The following SAMD12 variants were observed in gnomAD, a reference collection of about 807,000 sequenced individuals.
The protein encoded by SAMD12 is sterile alpha motif domain-containing protein 12.
In SAMD12, 9 loss-of-function variants were observed where a neutral mutation model predicts 15.0. That is an observed-to-expected ratio of 0.60 (90% CI 0.36 to 1.05). The LOEUF (loss-of-function observed/expected upper bound fraction) is 1.05. SAMD12 is among the 50% of genes least tolerant of loss of function. The probability of loss-of-function intolerance (pLI) is 0.01; values close to 1 mark genes in which losing one functional copy is unlikely to be tolerated. For missense variants in SAMD12, 230 were observed against 234.2 expected (o/e 0.98, Z 0.12); for synonymous variants, 86 against 90.1 (o/e 0.96, Z 0.25).
At chr8:118,260,002 A>G (rs960965077) in intron 4 of SAMD12, among the ~76,000 whole-genome samples, 5 of 152,120 alleles carry the variant, frequency 3.3e-5, no homozygotes, top group Admixed American at 6.6e-5. Context: ...CTCCTCACAC[A>G]TGCCAAATGT....
intron 2 of SAMD12, among the ~76,000 whole-genome samples, chr8:118,555,435 C>A (rs2131195940): frequency 1.3e-5 from 2 of 152,270 alleles, no homozygotes; most frequent in Middle Eastern, 3.4e-3. Flanking sequence ...TCCTCCTCTC[C>A]ATTTCCCCTA....
At chr8:118,319,047 G>A (rs926144544) in intron 4 of SAMD12, among the ~76,000 whole-genome samples, 1 of 152,138 alleles carries the variant, frequency 6.6e-6, no homozygotes, top group Admixed American at 6.5e-5. Flanking sequence ...TATCCAGGGA[G>A]GCTCCTTAAA....
rs1827278872 is a variant in SAMD12 at position 118,580,872 on chromosome 8, G to A, written c.35C>T (p.Pro12Leu). Reference sequence around the variant, plus strand: ...ATGGGCAGGGTGATCAATACCCCGTGGATTCAAACCACAGTGGAGAGCTAG... The same window carrying A: ...ATGGGCAGGGTGATCAATACCCCGTAGATTCAAACCACAGTGGAGAGCTAG... Reference protein sequence around the residue: ...AVEALHCGLNPRGIDHPAHAE... With the variant: ...AVEALHCGLNLRGIDHPAHAE... The change falls in exon 2 of 4, where the codon CCA becomes CTA. Residue 12 changes from proline to leucine, a missense_variant. Physicochemically the swap from Pro to Leu is moderately conservative, Grantham distance 98. Coordinates refer to ENST00000314727, the MANE Select transcript of SAMD12 (RefSeq NM_207506.3). 2 of 1,611,088 alleles carry A rather than the reference G, an allele frequency of 1.2e-6. No individual in the cohort carries two copies. The highest frequency in any genetic ancestry group is 2.7e-5 in the African/African-American group (2 of 74,706).
At chr8:118,560,652 C>A (rs1259317183) in intron 2 of SAMD12, among the ~76,000 whole-genome samples, 1 of 152,088 alleles carries the variant, frequency 6.6e-6, no homozygotes, top group Non-Finnish European at 1.5e-5. Context: ...TATAAACATA[C>A]CTTATTTTTT....
At chr8:118,560,052 C>T (rs780694551) in intron 2 of SAMD12, among the ~76,000 whole-genome samples, 1 of 152,170 alleles carries the variant, frequency 6.6e-6, no homozygotes, top group South Asian at 2.1e-4. Flanking sequence ...TTGTGAGGCT[C>T]AGGGAACTTA....
intron 3 of SAMD12, among the ~76,000 whole-genome samples, chr8:118,437,038 T>C (rs970852761): frequency 6.6e-6 from 1 of 152,170 alleles, no homozygotes; most frequent in Non-Finnish European, 1.5e-5. Flanking sequence ...GTCATTCTAC[T>C]GTCTGCACAC....
intron 4 of SAMD12, among the ~76,000 whole-genome samples, chr8:118,366,582 G>T (rs1818777947): frequency 6.6e-6 from 1 of 152,088 alleles, no homozygotes; most frequent in Admixed American, 6.6e-5. Flanking sequence ...GGAGGCCAAG[G>T]TGGGTGGATC....
chr8:118,205,307 T>C (rs1225478260), intron 4 of SAMD12, among the ~76,000 whole-genome samples: 1 of 152,256 alleles, frequency 6.6e-6, no homozygotes, highest in African/African-American at 2.4e-5. Context: ...TTAGTTCTGT[T>C]TTTATGAAGA....
intron 2 of SAMD12, among the ~76,000 whole-genome samples, chr8:118,559,971 T>A (rs1826658390): frequency 6.6e-6 from 1 of 152,184 alleles, no homozygotes; most frequent in Non-Finnish European, 1.5e-5. Flanking sequence ...CAGAAACAGT[T>A]AAAGAAGATT....
At chr8:118,223,909 A>G (rs951666310) in intron 4 of SAMD12, among the ~76,000 whole-genome samples, 10 of 152,182 alleles carry the variant, frequency 6.6e-5, no homozygotes, top group African/African-American at 2.4e-4. Context: ...CAGTTTTTCC[A>G]CCAGTGAAAC....
In SAMD12 at chr8:118,379,291, C is replaced by A. The variant is rs148708189; in HGVS notation, c.*126G>T. 1.4e-6 allele frequency: 2 copies of A among 1,462,162 alleles called. No individual in the cohort carries two copies. The highest frequency in any genetic ancestry group is 1.4e-5 in the African/African-American group (1 of 70,766). 90.6% of individuals were successfully genotyped at this position (1,462,162 alleles called of 1,614,324 possible). ...GTATTCTCTGGGGTTGTGCAGTACA[C>A]AATCCATACAACTGTACGTGACCAC... On this transcript the variant is annotated 3_prime_UTR_variant, in exon 4 of 4. Transcript: ENST00000314727.
chr8:118,500,067 CTTTTTTT>C (rs563321387), intron 2 of SAMD12, among the ~76,000 whole-genome samples: 13 of 72,568 alleles, frequency 1.8e-4, no homozygotes, highest in South Asian at 1.4e-3. Context: ...TGAGTTTTGC[CTTTTTTT>C]TTTTTTTTTT....
intron 2 of SAMD12, among the ~76,000 whole-genome samples, chr8:118,545,550 C>A (rs917662321): frequency 6.6e-6 from 1 of 152,198 alleles, no homozygotes; most frequent in Non-Finnish European, 1.5e-5. Context: ...ATCATTAGGA[C>A]TCCTGAATTA....
At chr8:118,608,960 G>A (rs1347524359) in intron 1 of SAMD12, among the ~76,000 whole-genome samples, 1 of 152,138 alleles carries the variant, frequency 6.6e-6, no homozygotes, top group Non-Finnish European at 1.5e-5. Flanking sequence ...TAAGTTAACT[G>A]ATATAAACAG....
In SAMD12 at chr8:118,194,978, T is replaced by C. The variant is rs1219281485; in HGVS notation, c.*2732A>G. ...AAGAATAGTAGTTCATATGCAAATA[T>C]GGAATATGTGCCAGGCATTAAGGCA... is the stretch of plus-strand genomic sequence containing the variant. On this transcript the variant is annotated 3_prime_UTR_variant, in exon 5 of 5. Coordinates refer to the SAMD12 transcript ENST00000409003. 10 of 152,310 alleles carry C rather than the reference T, an allele frequency of 6.6e-5. No individual in the cohort carries two copies. In the East Asian group the frequency reaches 1.9e-3, roughly 29 times the overall value. 9.4% of individuals were successfully genotyped at this position (152,310 alleles called of 1,614,324 possible).
chr8:118,478,496 G>T (rs916174183), intron 2 of SAMD12, among the ~76,000 whole-genome samples: 52 of 152,344 alleles, frequency 3.4e-4, no homozygotes, highest in African/African-American at 1.2e-3. Context: ...AGTGTATGTA[G>T]ATTTTATTTA....
At chr8:118,382,198 C>T (rs1021729387) in intron 3 of SAMD12, among the ~76,000 whole-genome samples, 6 of 152,190 alleles carry the variant, frequency 3.9e-5, no homozygotes, top group Non-Finnish European at 5.9e-5. Context: ...TAATCCCTCC[C>T]AACATAAAAA....
intron 2 of SAMD12, among the ~76,000 whole-genome samples, chr8:118,531,937 T>A (rs1189867869): frequency 2.0e-5 from 3 of 152,228 alleles, no homozygotes. Context: ...CCTGCCTGAT[T>A]GCCCTGGCCA....
intron 4 of SAMD12, among the ~76,000 whole-genome samples, chr8:118,349,191 C>T (rs945320058): frequency 1.3e-5 from 2 of 152,130 alleles, no homozygotes; most frequent in African/African-American, 4.8e-5. Flanking sequence ...CTAGAATAAG[C>T]CAATTTTTAA....
Sources: allele counts gnomAD v4.1 joint callset (sites outside exome capture counted in the v4.1 genomes callset), GRCh38; gene constraint gnomAD v4.1.1; transcripts MANE v1.5; gene names NCBI Gene and HGNC (gene_info 2026-07-23, HGNC 2026-07-21).